The following ERG variants were observed in gnomAD, a reference collection of about 807,000 sequenced individuals.
ERG encodes ETS transcription factor ERG.
In ERG, 9 loss-of-function variants were observed where a neutral mutation model predicts 55.3. The ratio of observed to expected loss-of-function variants is 0.16; its 90% CI spans 0.10 to 0.28. ERG has a LOEUF of 0.28. ERG is among the 10% of genes least tolerant of loss of function. ERG has a pLI of 1.00. For missense variants in ERG, 434 were observed against 631.6 expected, an observed-to-expected ratio of 0.69 and a Z score of 3.35; for synonymous variants, 223 against 237.3, an observed-to-expected ratio of 0.94 and a Z score of 0.55.
chr21:38,382,588 C>T lies in ERG; in HGVS notation c.*815G>A, dbSNP rs907401401. 3.8e-6 allele frequency: 4 copies of T among 1,066,210 alleles called. No individual in the cohort carries two copies. The highest frequency in any genetic ancestry group is 1.6e-5 in the African/African-American group (1 of 61,220). 66.0% of individuals were successfully genotyped at this position (1,066,210 alleles called of 1,614,324 possible). A position where few individuals can be genotyped will look rare whatever the true frequency, so the allele number is the denominator to read the frequency against. On this transcript the variant is annotated 3_prime_UTR_variant, in exon 10 of 10. Coordinates refer to ENST00000288319, the MANE Select transcript of ERG (RefSeq NM_182918.4). ...ACTGACTGCATGAACCCTCGAGTCT[C>T]CATAACTCATTGTACACAGTCCCCA...
intron 2 of ERG, among the ~76,000 whole-genome samples, chr21:38,438,261 C>T (rs528810111): frequency 4.9e-4 from 75 of 152,312 alleles, no homozygotes; most frequent in African/African-American, 1.7e-3. Context: ...TATTTTTCTC[C>T]TTAGCATTTA....
chr21:38,376,430 G>A (rs77934048), downstream of ERG, among the ~76,000 whole-genome samples: 38 of 152,264 alleles, frequency 2.5e-4, no homozygotes, highest in South Asian at 1.9e-3. Flanking sequence ...GATGGAAACC[G>A]GTTCTGGTCT....
chr21:38,439,517 AC>A (rs897505832), intron 2 of ERG, among the ~76,000 whole-genome samples: 3 of 152,190 alleles, frequency 2.0e-5, no homozygotes, highest in African/African-American at 7.2e-5. Context: ...CATTGTGTGA[AC>A]ACTTGGGGCT....
At chr21:38,434,274 T>C (rs1452705962) in intron 2 of ERG, among the ~76,000 whole-genome samples, 2 of 152,196 alleles carry the variant, frequency 1.3e-5, no homozygotes, top group Non-Finnish European at 2.9e-5. Flanking sequence ...CCCAACTCCA[T>C]GTGCTCTGTG....
At position 38,573,279 on chromosome 21, in the gene ERG, A is replaced by G. The variant is rs1413714899; in HGVS notation, c.-41+2383T>C. ...GGCCTCGTGGGATGAGAAAGACCTG[A>G]CTGTCCCCCAGCCCGACACCCGTAA... On this transcript the variant is annotated intron_variant, in intron 2 of 8. Coordinates refer to the ERG transcript ENST00000398897. 3.3e-5 allele frequency among the ~76,000 whole-genome samples: 5 copies of G among 152,318 alleles called. No individual in the cohort carries two copies. In the East Asian group the frequency reaches 9.7e-4, roughly 29 times the overall value.
upstream of ERG, among the ~76,000 whole-genome samples, chr21:38,585,532 C>CTTTTTTTTTTTTTTT (rs760791568): frequency 0.019 from 1,141 of 59,248 alleles, 317 homozygotes; most frequent in East Asian, 0.022. Context: ...TCTCTCTCTT[C>CTTTTTTTTTTTTTTT]TTTTTTTTTT....
intron 2 of ERG, among the ~76,000 whole-genome samples, chr21:38,424,471 T>C (rs1989726931): frequency 6.6e-6 from 1 of 152,296 alleles, no homozygotes; most frequent in East Asian, 1.9e-4. Flanking sequence ...AACTACCACC[T>C]GGCTTCTGTT....
the ERG span, among the ~76,000 whole-genome samples, chr21:38,369,554 T>C: frequency 6.6e-6 from 1 of 152,212 alleles, no homozygotes; most frequent in Non-Finnish European, 1.5e-5. Context: ...TTTGCAAAAT[T>C]TTTCTCCCAT....
intron 2 of ERG, among the ~76,000 whole-genome samples, chr21:38,505,462 T>A (rs1452071682): frequency 6.6e-6 from 1 of 152,192 alleles, no homozygotes; most frequent in East Asian, 1.9e-4. Flanking sequence ...TTCACTCTTA[T>A]GAAAATGTGT....
intron 2 of ERG, among the ~76,000 whole-genome samples, chr21:38,510,626 C>T (rs1223586060): frequency 3.9e-5 from 6 of 152,180 alleles, no homozygotes; most frequent in African/African-American, 1.4e-4. Flanking sequence ...GCTTCTTTGT[C>T]AGTTACTGCA....
Position 38,577,601 on chromosome 21 carries a change from G to A in ERG, c.-126-1854C>T, listed in dbSNP as rs1033384375. Among the ~76,000 whole-genome samples, 3 of 152,102 alleles carry A rather than the reference G, an allele frequency of 2.0e-5. No individual in the cohort carries two copies. In the South Asian group the frequency reaches 6.2e-4, roughly 32 times the overall value. On this transcript the variant is annotated intron_variant, in intron 1 of 8. Transcript: ENST00000398897. ...GGGAGAAGAGGCTGGGAGAGGATGG[G>A]GCCTGGCTGAAGGTTTCTGGGAGCA...
At chr21:38,503,362 A>G (rs1470221661), upstream of ERG, among the ~76,000 whole-genome samples, 2 of 118,602 alleles carry the variant, frequency 1.7e-5, no homozygotes, top group Admixed American at 1.7e-4. Context: ...CAGCAAGCAT[A>G]GAGCTCTTTT....
In ERG at chr21:38,403,578, C is replaced by T; in HGVS notation, c.520G>A (p.Asp174Asn). 2 of 1,614,150 alleles carry T rather than the reference C, an allele frequency of 1.2e-6. No individual in the cohort carries two copies. The highest frequency in any genetic ancestry group is 1.7e-6 in the Non-Finnish European group (2 of 1,180,032). The change falls in exon 4 of 10, where the codon GAC becomes AAC. Residue 174 changes from aspartate (D) to asparagine (N), a missense_variant. By Grantham distance (23) the Asp-to-Asn change is conservative. Transcript: ENST00000288319. The part of the protein sequence containing the change: ...DGKELCKMTK[D>N]DFQRLTPSYN... ...CTGGGGGTGAGCCTCTGGAAGTCGT[C>T]CTTGGTCATCTTGCACAGTTCCTTC...
At chr21:38,504,698 T>A (rs2059447351) in intron 2 of ERG, among the ~76,000 whole-genome samples, 1 of 152,204 alleles carries the variant, frequency 6.6e-6, no homozygotes, top group Non-Finnish European at 1.5e-5. Flanking sequence ...CTGACTGGCA[T>A]CCCACTCTAC....
chr21:38,412,644 G>A (rs1220089463), intron 3 of ERG, among the ~76,000 whole-genome samples: 1 of 151,904 alleles, frequency 6.6e-6, no homozygotes, highest in Non-Finnish European at 1.5e-5. Flanking sequence ...TCTGAAGTGA[G>A]GTTCAATTAG....
At chr21:38,549,279 C>A (rs1032855058) in intron 2 of ERG, among the ~76,000 whole-genome samples, 2 of 152,076 alleles carry the variant, frequency 1.3e-5, no homozygotes, top group Non-Finnish European at 2.9e-5. Flanking sequence ...CTAAAGGCAT[C>A]ATCTGAAGGC....
At chr21:38,660,206 C>G (rs2060543694) in intron 1 of ERG, among the ~76,000 whole-genome samples, 1 of 152,204 alleles carries the variant, frequency 6.6e-6, no homozygotes, top group Admixed American at 6.5e-5. Context: ...TAGTTCAACC[C>G]TGATTTCCAC....
intron 1 of ERG, among the ~76,000 whole-genome samples, chr21:38,631,070 T>C (rs1309997240): frequency 1.3e-5 from 2 of 152,226 alleles, no homozygotes; most frequent in African/African-American, 4.8e-5. Flanking sequence ...CATTCAGCCT[T>C]GGCAGAAACC....
chr21:38,386,694 A>C (rs1438998753), intron 9 of ERG, among the ~76,000 whole-genome samples: 1 of 152,214 alleles, frequency 6.6e-6, no homozygotes, highest in Non-Finnish European at 1.5e-5. Context: ...ACCAGGATTT[A>C]CAAAGAGAAG....
Sources: gnomAD v4.1 joint callset for allele counts (sites outside exome capture counted in the v4.1 genomes callset) on GRCh38, gnomAD v4.1.1 for gene constraint, MANE v1.5 for transcripts, NCBI Gene and HGNC (gene_info 2026-07-23, HGNC 2026-07-21) for gene names.